The following ANK3 variants were observed in gnomAD, a reference collection of about 807,000 sequenced individuals.
ANK3 encodes ankyrin 3.
Under a neutral mutation model 370.9 loss-of-function variants are expected in ANK3, and 57 were observed. The ratio of observed to expected loss-of-function variants is 0.15; its 90% CI spans 0.12 to 0.19. ANK3 has a LOEUF of 0.19. Ranked by LOEUF, ANK3 falls within the 10% of genes least tolerant of loss-of-function variation. The pLI is 1.00. For missense variants in ANK3, 4,439 were observed against 5,302.1 expected, an observed-to-expected ratio of 0.84 and a Z score of 5.06; for synonymous variants, 1,929 against 1,946.3, an observed-to-expected ratio of 0.99 and a Z score of 0.23.
chr10:60,085,790 A>G (rs897500710), intron 30 of ANK3, among the ~76,000 whole-genome samples: 1 of 151,916 alleles, frequency 6.6e-6, no homozygotes, highest in African/African-American at 2.4e-5. Flanking sequence ...TAAGTTTTGT[A>G]TTTTTAGTAG....
chr10:60,476,060 T>C (rs2075056108), intron 2 of ANK3, among the ~76,000 whole-genome samples: 1 of 152,220 alleles, frequency 6.6e-6, no homozygotes, highest in African/African-American at 2.4e-5. Flanking sequence ...GTTGTTTTAA[T>C]AATATTTTGT....
chr10:60,187,546 C>T (rs1216662317), intron 16 of ANK3, among the ~76,000 whole-genome samples: 2 of 152,138 alleles, frequency 1.3e-5, no homozygotes, highest in Non-Finnish European at 2.9e-5. Flanking sequence ...TATGTTACAA[C>T]ATGCTCGATA....
chr10:60,466,602 C>A (rs2133068183), intron 2 of ANK3, among the ~76,000 whole-genome samples: 1 of 152,202 alleles, frequency 6.6e-6, no homozygotes, highest in East Asian at 1.9e-4. Flanking sequence ...CTGGTCCACA[C>A]AAAACTTGTA....
intron 43 of ANK3, among the ~76,000 whole-genome samples, chr10:60,034,106 GTTTT>G (rs61678524): frequency 6.9e-5 from 8 of 115,892 alleles, no homozygotes; most frequent in Non-Finnish European, 3.5e-5. Flanking sequence ...TTGTTTTTTG[GTTTT>G]TTTTTTTTTT....
intron 23 of ANK3, chr10:60,140,709 C>T: frequency 8.2e-7 from 1 of 1,215,970 alleles, no homozygotes; most frequent in Non-Finnish European, 1.0e-6. Flanking sequence ...CTCTGGCAAG[C>T]CTCTAGCAGG....
chr10:60,636,575 G>A (rs2078558206), intron 1 of ANK3, among the ~76,000 whole-genome samples: 1 of 152,160 alleles, frequency 6.6e-6, no homozygotes, highest in African/African-American at 2.4e-5. Flanking sequence ...TAAGAGCCCA[G>A]ACAGAACATC....
At chr10:60,461,160 T>G (rs2064874529) in intron 2 of ANK3, among the ~76,000 whole-genome samples, 1 of 152,158 alleles carries the variant, frequency 6.6e-6, no homozygotes, top group African/African-American at 2.4e-5. Flanking sequence ...TGCTCATATT[T>G]CATTAAAATA....
intron 12 of ANK3, among the ~76,000 whole-genome samples, chr10:60,200,498 A>C (rs1167160164): frequency 2.0e-5 from 3 of 152,080 alleles, no homozygotes; most frequent in Non-Finnish European, 4.4e-5. Context: ...TCAGGGCTGG[A>C]AAGGTCAGTG....
intron 7 of ANK3, among the ~76,000 whole-genome samples, chr10:60,250,635 G>C (rs558584250): frequency 5.9e-5 from 9 of 152,214 alleles, no homozygotes; most frequent in Admixed American, 5.2e-4. Flanking sequence ...AAAGTTCTGG[G>C]ATTACGGGCA....
chr10:60,584,675 T>C (rs1312563422), intron 2 of ANK3, among the ~76,000 whole-genome samples: 1 of 152,130 alleles, frequency 6.6e-6, no homozygotes, highest in Non-Finnish European at 1.5e-5. Flanking sequence ...AAAAGACACA[T>C]AACAAAGCCA....
chr10:60,070,174 C>A lies in ANK3; in HGVS notation c.10707G>T (p.Leu3569=). The change falls in exon 37 of 44, where the codon CTG becomes CTT. Residue 3569 remains leucine, a synonymous_variant. Transcript: ENST00000280772. This position sits in a 1 kb window ranked among gnomAD's most constrained non-coding sequence, Gnocchi z 5.7. The part of the protein sequence containing the change: ...SREDETKPFG[L]AVEDRSPATT... ...TTGCTGGAGAGCGGTCTTCTACCGCCAGCCCAAATGGCTTAGTTTCATCTT... is the reference window on the plus strand; with the variant it reads ...TTGCTGGAGAGCGGTCTTCTACCGCAAGCCCAAATGGCTTAGTTTCATCTT... 1.9e-6 allele frequency: 3 copies of A among 1,614,138 alleles called. No homozygotes were observed. The highest frequency in any genetic ancestry group is 2.5e-6 in the Non-Finnish European group (3 of 1,180,014).
chr10:60,434,409 A>C (rs986969400), intron 2 of ANK3, among the ~76,000 whole-genome samples: 4 of 152,252 alleles, frequency 2.6e-5, no homozygotes, highest in African/African-American at 9.6e-5. Context: ...GAGTACATGA[A>C]GTCACTATTT....
chr10:60,283,002 T>C (rs2098188169), intron 1 of ANK3, among the ~76,000 whole-genome samples: 1 of 152,198 alleles, frequency 6.6e-6, no homozygotes, highest in African/African-American at 2.4e-5. Context: ...CCTCAAATAT[T>C]TGTTGAATGT....
chr10:60,477,810 C>T (rs1307423309), intron 2 of ANK3, among the ~76,000 whole-genome samples: 1 of 151,856 alleles, frequency 6.6e-6, no homozygotes, highest in East Asian at 1.9e-4. Flanking sequence ...TTACCAAAAA[C>T]CTAATTGTAT....
At chr10:60,386,761 C>T (rs894402295) in intron 1 of ANK3, among the ~76,000 whole-genome samples, 1 of 152,170 alleles carries the variant, frequency 6.6e-6, no homozygotes, top group East Asian at 1.9e-4. Context: ...CTTGCTCAAA[C>T]CTGAACTGCA....
chr10:60,632,521 G>A (rs572161050), intron 1 of ANK3, among the ~76,000 whole-genome samples: 28 of 152,246 alleles, frequency 1.8e-4, no homozygotes, highest in Admixed American at 3.3e-4. Context: ...AGCCAAGGAG[G>A]AAGACTCATT....
chr10:60,228,675 A>G (rs1395310412), intron 8 of ANK3, among the ~76,000 whole-genome samples: 1 of 152,162 alleles, frequency 6.6e-6, no homozygotes, highest in Non-Finnish European at 1.5e-5. Flanking sequence ...CCTTTGAGGA[A>G]GGAGGGTAAT....
At chr10:60,266,763 G>A (rs2097886652) in intron 5 of ANK3, among the ~76,000 whole-genome samples, 1 of 152,170 alleles carries the variant, frequency 6.6e-6, no homozygotes, top group African/African-American at 2.4e-5. Flanking sequence ...AAGTTTAAAT[G>A]GTGTGGTTTG....
intron 8 of ANK3, among the ~76,000 whole-genome samples, chr10:60,229,969 G>C (rs1038239122): frequency 1.3e-5 from 2 of 152,168 alleles, no homozygotes; most frequent in African/African-American, 4.8e-5. Context: ...AGAAAGGCTA[G>C]AAGTTGGGAG....
Sources: gnomAD v4.1 joint callset for allele counts (sites outside exome capture counted in the v4.1 genomes callset) on GRCh38, gnomAD v4.1.1 for gene constraint, Gnocchi (gnomAD v3.1) non-coding constraint, MANE v1.5 for transcripts, NCBI Gene and HGNC (gene_info 2026-07-23, HGNC 2026-07-21) for gene names.